Variants in ADGRV1 observed in about 807,000 individuals in gnomAD.
The protein encoded by ADGRV1 is G-protein coupled receptor 98.
ADGRV1 carries 359 observed loss-of-function variants against 596.2 expected under a neutral mutation model. The ratio of observed to expected loss-of-function variants is 0.60; its 90% confidence interval spans 0.55 to 0.66. ADGRV1 has a LOEUF of 0.66. Ranked by LOEUF, ADGRV1 falls within the 30% of genes least tolerant of loss-of-function variation. The pLI is 0.00. For synonymous variants in ADGRV1, 2,681 were observed against 2,679.2 expected (o/e 1.00, Z -0.02); for missense variants, 7,274 against 7,575.6 (o/e 0.96, Z 1.48).
In ADGRV1 at chr5:90,779,006, A is replaced by G. The variant is rs758047304; in HGVS notation, c.12991A>G (p.Lys4331Glu). The change falls in exon 64 of 90, where the codon AAA becomes GAA. Residue 4331 changes from lysine to glutamate, a missense_variant. Lys to Glu is a moderately conservative substitution (Grantham distance 56). Coordinates refer to ENST00000405460, the MANE Select transcript of ADGRV1 (RefSeq NM_032119.4). ...CCTCTTTGAAGCAGGGGAGATGAGG[A>G]AAAGTCTGCATGTTGAAATCCTTGA... ...ELLFEAGEMR[K>E]SLHVEILDDD... 1.1e-5 allele frequency: 18 copies of G among 1,613,262 alleles called. No homozygotes were observed. The highest frequency in any genetic ancestry group is 1.4e-5 in the Non-Finnish European group (16 of 1,179,464).
chr5:91,158,870 T>C (rs1796700272), intron 89 of ADGRV1, among the ~76,000 whole-genome samples: 1 of 151,580 alleles, frequency 6.6e-6, no homozygotes, highest in Non-Finnish European at 1.5e-5. Context: ...GATGGATGGA[T>C]GGATGGATGG....
At chr5:91,143,004 G>A (rs1031518918) in intron 87 of ADGRV1, among the ~76,000 whole-genome samples, 16 of 152,170 alleles carry the variant, frequency 1.1e-4, no homozygotes, top group African/African-American at 3.9e-4. Context: ...GTGGAGTGGC[G>A]AGGGGTGTGT....
chr5:90,736,010 T>C (rs1176030634), intron 50 of ADGRV1, among the ~76,000 whole-genome samples: 1 of 152,182 alleles, frequency 6.6e-6, no homozygotes, highest in African/African-American at 2.4e-5. Flanking sequence ...TTCAGAACGA[T>C]GTTGAAAGGA....
chr5:90,962,733 C>T (rs889458888), intron 83 of ADGRV1, among the ~76,000 whole-genome samples: 2 of 152,110 alleles, frequency 1.3e-5, no homozygotes, highest in Admixed American at 1.3e-4. Context: ...AGAAGCAATT[C>T]CCATAATTCA....
intron 85 of ADGRV1, among the ~76,000 whole-genome samples, chr5:91,045,168 A>G (rs1785687252): frequency 6.6e-6 from 1 of 152,160 alleles, no homozygotes; most frequent in African/African-American, 2.4e-5. Context: ...GAAAGAGGGA[A>G]TCCTCCCTAA....
At chr5:90,913,257 A>G (rs1376702940) in intron 83 of ADGRV1, among the ~76,000 whole-genome samples, 3 of 152,188 alleles carry the variant, frequency 2.0e-5, no homozygotes, top group African/African-American at 7.2e-5. Flanking sequence ...TTGGAGTGAA[A>G]GTGTCACCTC....
At chr5:91,143,563 C>A (rs183771278) in intron 87 of ADGRV1, among the ~76,000 whole-genome samples, 1 of 152,310 alleles carries the variant, frequency 6.6e-6, no homozygotes, top group Admixed American at 6.5e-5. Context: ...GGCAGGTCGT[C>A]CCATCAAGTG....
chr5:90,877,689 G>A (rs951221873), intron 83 of ADGRV1, among the ~76,000 whole-genome samples: 39 of 150,930 alleles, frequency 2.6e-4, no homozygotes, highest in Non-Finnish European at 4.9e-4. Context: ...TAAGTGAAGA[G>A]ATAGGAAAAA....
chr5:90,829,965 C>G (rs1215996080), intron 77 of ADGRV1, among the ~76,000 whole-genome samples: 1 of 151,918 alleles, frequency 6.6e-6, no homozygotes, highest in Admixed American at 6.6e-5. Flanking sequence ...TCTTCTATTT[C>G]CAATGTTTCA....
Position 90,789,941 on chromosome 5 carries a change from A to G in ADGRV1, c.14043+90A>G, listed in dbSNP as rs553676447. The G allele has an allele frequency of 1.0e-4, 98 of 953,612 alleles. No individual in the cohort carries two copies. In the South Asian group the frequency reaches 4.1e-3, roughly 40 times the overall value. 59.1% of individuals were successfully genotyped at this position (953,612 alleles called of 1,614,324 possible). A position where few individuals can be genotyped will look rare whatever the true frequency, so the allele number is the denominator to read the frequency against. On this transcript the variant is annotated intron_variant, in intron 69 of 89. Coordinates refer to ENST00000405460, the MANE Select transcript of ADGRV1 (RefSeq NM_032119.4). ...GGGAAACTGCATGTTCTAGTTAATTAAAGTTTTTGATAAACTAAAGTTACG... is the reference window on the plus strand; with the variant it reads ...GGGAAACTGCATGTTCTAGTTAATTGAAGTTTTTGATAAACTAAAGTTACG...
chr5:90,754,161 A>G (rs963546401), intron 54 of ADGRV1, among the ~76,000 whole-genome samples: 2 of 152,132 alleles, frequency 1.3e-5, no homozygotes, highest in East Asian at 1.9e-4. Flanking sequence ...TATATTTTCT[A>G]TAGATTTTCA....
chr5:90,708,012 A>G (rs1376781295), intron 38 of ADGRV1, among the ~76,000 whole-genome samples: 1 of 152,128 alleles, frequency 6.6e-6, no homozygotes, highest in Non-Finnish European at 1.5e-5. Flanking sequence ...AGAGACCATG[A>G]TTTTCACTTA....
intron 13 of ADGRV1, among the ~76,000 whole-genome samples, chr5:90,643,601 A>G (rs901909702): frequency 1.3e-5 from 2 of 152,090 alleles, no homozygotes; most frequent in East Asian, 3.8e-4. Flanking sequence ...CTCTTTTTGG[A>G]CAATGTATAC....
chr5:91,000,891 G>C (rs950017644), intron 85 of ADGRV1, among the ~76,000 whole-genome samples: 2 of 151,994 alleles, frequency 1.3e-5, no homozygotes, highest in Non-Finnish European at 2.9e-5. Flanking sequence ...TCTGTTACTC[G>C]GGGAAGGATC....
At chr5:90,890,374 T>C (rs1265534121) in intron 83 of ADGRV1, among the ~76,000 whole-genome samples, 3 of 152,104 alleles carry the variant, frequency 2.0e-5, no homozygotes, top group East Asian at 3.9e-4. Flanking sequence ...CTCTTACACA[T>C]GGTGTTTCAG....
chr5:90,812,406 A>G (rs1291912597), intron 74 of ADGRV1, among the ~76,000 whole-genome samples: 4 of 152,244 alleles, frequency 2.6e-5, no homozygotes, highest in African/African-American at 9.6e-5. Flanking sequence ...ATGATTATAA[A>G]TGCAGTGTAG....
At chr5:90,577,055 C>G (rs965175406) in intron 1 of ADGRV1, among the ~76,000 whole-genome samples, 2 of 152,140 alleles carry the variant, frequency 1.3e-5, no homozygotes, top group Non-Finnish European at 2.9e-5. Context: ...AATTTTCTCT[C>G]ATTCTGTAGG....
At chr5:90,593,713 C>G (rs1472699269) in intron 1 of ADGRV1, among the ~76,000 whole-genome samples, 7 of 152,002 alleles carry the variant, frequency 4.6e-5, no homozygotes, top group Admixed American at 1.3e-4. Context: ...CCAAATACCA[C>G]CTGTTCTCCC....
At position 90,720,092 on chromosome 5, in the gene ADGRV1, T is replaced by G. The variant is rs199691594; in HGVS notation, c.9492T>G (p.Asp3164Glu). ...TATTAGACACGGAACCAGAAATGGA[T>G]GAGTATTTTGTTTGCACCTTGTTTA... The part of the protein sequence containing the change: ...SAILDTEPEM[D>E]EYFVCTLFNP... The change falls in exon 44 of 90, where the codon GAT (aspartate) becomes GAG (glutamate). Residue 3164 changes from aspartate (D) to glutamate (E), a missense_variant. Around this residue, in one of 5 missense-constraint regions of ADGRV1, gnomAD observed 3,643 missense variants for 3,809.2 expected, o/e 0.96. Coordinates refer to ENST00000405460, the MANE Select transcript of ADGRV1 (RefSeq NM_032119.4). 19 of 1,613,748 alleles carry G rather than the reference T, an allele frequency of 1.2e-5. No homozygotes were observed. The African/African-American group carries it at 2.3e-4, about 19-fold the overall frequency.
Sources: allele counts gnomAD v4.1 joint callset (sites outside exome capture counted in the v4.1 genomes callset), GRCh38; gene constraint gnomAD v4.1.1; regional missense constraint gnomAD v4.1.1; transcripts MANE v1.5; gene names NCBI Gene and HGNC (gene_info 2026-07-23, HGNC 2026-07-21).